The following RERE variants were observed in gnomAD, a reference collection of about 807,000 sequenced individuals.
RERE encodes the protein arginine-glutamic acid dipeptide repeats, also known as arginine-glutamic acid dipeptide repeats protein.
RERE carries 40 observed loss-of-function variants against 146.1 expected under a neutral mutation model. That is an observed-to-expected ratio of 0.27 (90% CI 0.21 to 0.36). RERE has a LOEUF of 0.36. Among genes scored for constraint, RERE ranks in the 10% least tolerant of loss-of-function variants. The probability of loss-of-function intolerance (pLI) is 1.00; values close to 1 mark genes in which losing one functional copy is unlikely to be tolerated. For missense variants in RERE, 1,933 were observed against 2,138.7 expected, an observed-to-expected ratio of 0.90 and a Z score of 1.90; for synonymous variants, 1,003 against 866.0, an observed-to-expected ratio of 1.16 and a Z score of -2.78.
At chr1:8,576,078 T>C (rs1646291195) in intron 4 of RERE, among the ~76,000 whole-genome samples, 1 of 152,196 alleles carries the variant, frequency 6.6e-6, no homozygotes, top group South Asian at 2.1e-4. Flanking sequence ...AGTAATAATG[T>C]TATTAATGTT....
chr1:8,368,298 T>C (rs1235264876), intron 12 of RERE, among the ~76,000 whole-genome samples: 4 of 151,886 alleles, frequency 2.6e-5, no homozygotes, highest in African/African-American at 2.4e-5. Flanking sequence ...GGTGAAACCC[T>C]GTCTCTACTA....
At chr1:8,371,234 G>C (rs1342292015) in intron 12 of RERE, among the ~76,000 whole-genome samples, 1 of 151,992 alleles carries the variant, frequency 6.6e-6, no homozygotes, top group African/African-American at 2.4e-5. Context: ...TTTTGGCGGT[G>C]GGGGGGCTAA....
At position 8,361,895 on chromosome 1, in the gene RERE, C is replaced by A. The variant is rs760946436; in HGVS notation, c.1903-19G>T. On this transcript the variant is annotated intron_variant, in intron 16 of 22. Coordinates refer to ENST00000400908, the MANE Select transcript of RERE (RefSeq NM_001042681.2). ...TCACCTTCTGCAGGGGAAAAGCCCA[C>A]AAGGAGCAATCAGGCCAAGGGAGAC... 1.9e-6 allele frequency: 3 copies of A among 1,583,016 alleles called. No homozygotes were observed. Among genetic ancestry groups the A allele is most frequent in the Non-Finnish European group, 2.6e-6 (3 of 1,152,150 alleles).
chr1:8,666,796 G>GT (rs1638585543), intron 1 of RERE, among the ~76,000 whole-genome samples: 1 of 152,218 alleles, frequency 6.6e-6, no homozygotes, highest in South Asian at 2.1e-4. Flanking sequence ...GGTATTGAGA[G>GT]TTTTTCCATG....
chr1:8,413,856 G>A lies in RERE; in HGVS notation c.1284+8871C>T, dbSNP rs547757049. Among the ~76,000 whole-genome samples, 16 of 151,942 alleles carry A rather than the reference G, an allele frequency of 1.1e-4. 1 individual carries two copies. In the South Asian group the frequency reaches 3.3e-3, roughly 32 times the overall value. On this transcript the variant is annotated intron_variant, in intron 12 of 22. Transcript: ENST00000400908. Reference sequence around the variant, plus strand: ...GTATCATCTGAGGTCGGGAGTTCAAGACCAGCCTGGCCAACACAGTGAAAC... The same window carrying A: ...GTATCATCTGAGGTCGGGAGTTCAAAACCAGCCTGGCCAACACAGTGAAAC...
intron 19 of RERE, 122 bp downstream of exon 19, chr1:8,359,642 A>G: frequency 9.0e-7 from 1 of 1,113,790 alleles, no homozygotes; most frequent in Non-Finnish European, 1.3e-6. Flanking sequence ...AATAGCACCC[A>G]ACCCTCTAGC....
rs963749596 is a variant in RERE, at chr1:8,817,281, G to A, written c.-266C>T. On this transcript the variant is annotated 5_prime_UTR_variant, in exon 1 of 23. Coordinates refer to ENST00000400908, the MANE Select transcript of RERE (RefSeq NM_001042681.2). ...GGGGCCGCGGGGCGCAGGGCCGAGA[G>A]GGGCGGCCCGCGGGGAGGCGACGCG... The A allele has an allele frequency of 3.3e-5, 5 of 152,036 alleles. No homozygotes were observed. The highest frequency in any genetic ancestry group is 9.7e-5 in the African/African-American group (4 of 41,354). The allele number at this position is 152,036 out of a possible 1,614,324, so 9.4% of individuals were successfully genotyped here.
At chr1:8,355,317 G>A in intron 22 of RERE, 102 bp downstream of exon 22, 4 of 1,335,122 alleles carry the variant, frequency 3.0e-6, no homozygotes, top group Non-Finnish European at 2.1e-6. Flanking sequence ...CCCCTCCAGG[G>A]CCCAGCAGGC....
chr1:8,365,577 T>C (rs1376353753), intron 13 of RERE, among the ~76,000 whole-genome samples: 2 of 152,206 alleles, frequency 1.3e-5, no homozygotes, highest in African/African-American at 4.8e-5. Context: ...GTTGAGTTTA[T>C]GAGAAATATT....
Position 8,579,680 on chromosome 1 carries a change from T to C in RERE, c.523-22157A>G, listed in dbSNP as rs1379630823. Reference sequence around the variant, plus strand: ...AATGGTTCTTAACTTTTGCTACAACTACCCCATCTGAAATCTGCATGCCAT... The same window carrying C: ...AATGGTTCTTAACTTTTGCTACAACCACCCCATCTGAAATCTGCATGCCAT... On this transcript the variant is annotated intron_variant, in intron 4 of 22. Transcript: ENST00000400908. Among the ~76,000 whole-genome samples the C allele has an allele frequency of 3.3e-5, 5 of 152,350 alleles. 1 individual carries two copies. The highest frequency in any genetic ancestry group is 2.6e-4 in the Admixed American group (4 of 15,308).
chr1:8,464,539 G>A (rs1644570176), intron 11 of RERE, among the ~76,000 whole-genome samples: 1 of 152,098 alleles, frequency 6.6e-6, no homozygotes, highest in Non-Finnish European at 1.5e-5. Context: ...ACATCACCAT[G>A]CCCTGACAGC....
chr1:8,388,351 C>T lies in RERE; in HGVS notation c.1285-22377G>A, dbSNP rs1286483538. 4.7e-5 allele frequency among the ~76,000 whole-genome samples: 7 copies of T among 148,896 alleles called. No individual in the cohort carries two copies. In the South Asian group the frequency reaches 6.4e-4, roughly 14 times the overall value. ...TTTTTGAGACGGAGTCTCACTCTGT[C>T]GCCCAGGCTGGACTGCGGACTGCAG... On this transcript the variant is annotated intron_variant, in intron 12 of 22. Transcript: ENST00000400908.
At chr1:8,778,297 T>C (rs1641105376) in intron 1 of RERE, among the ~76,000 whole-genome samples, 1 of 152,230 alleles carries the variant, frequency 6.6e-6, no homozygotes, top group Non-Finnish European at 1.5e-5. Context: ...ATAAATTACC[T>C]GAAAATTTTC....
intron 12 of RERE, among the ~76,000 whole-genome samples, chr1:8,380,104 C>G (rs1642394533): frequency 6.6e-6 from 1 of 152,192 alleles, no homozygotes; most frequent in African/African-American, 2.4e-5. Context: ...CCAGAACATA[C>G]CATAACCCCA....
chr1:8,556,593 C>G (rs201015716), intron 5 of RERE, 22 bp from the exon 6 acceptor site: 1 of 1,451,928 alleles, frequency 6.9e-7, no homozygotes, highest in Middle Eastern at 1.8e-4. Context: ...TTAATTAAGA[C>G]GACATTAAAA....
intron 1 of RERE, among the ~76,000 whole-genome samples, chr1:8,735,149 T>C (rs894959606): frequency 5.9e-5 from 9 of 152,154 alleles, no homozygotes; most frequent in Non-Finnish European, 5.9e-5. Flanking sequence ...CTATAACATA[T>C]ATAAATAAAG....
At chr1:8,466,148 A>G (rs1644593743) in intron 10 of RERE, 125 bp from the exon 11 acceptor site, 1 of 729,316 alleles carries the variant, frequency 1.4e-6, no homozygotes, top group Non-Finnish European at 2.2e-6. Context: ...CTGAGACTCC[A>G]TCATTTCAGT....
At chr1:8,764,596 A>G (rs1640814757) in intron 1 of RERE, among the ~76,000 whole-genome samples, 1 of 152,176 alleles carries the variant, frequency 6.6e-6, no homozygotes, top group Non-Finnish European at 1.5e-5. Context: ...AGGCTCCCTG[A>G]AGAAAATTAC....
chr1:8,446,833 C>T (rs1282925001), intron 11 of RERE, among the ~76,000 whole-genome samples: 5 of 150,628 alleles, frequency 3.3e-5, no homozygotes, highest in Admixed American at 1.3e-4. Context: ...ACTGCCACAC[C>T]GGGCTAATTT....
Sources: allele counts gnomAD v4.1 joint callset (sites outside exome capture counted in the v4.1 genomes callset), GRCh38; gene constraint gnomAD v4.1.1; transcripts MANE v1.5; gene names NCBI Gene and HGNC (gene_info 2026-07-23, HGNC 2026-07-21).